The following TCF7L1 variants were observed in gnomAD, a reference collection of about 807,000 sequenced individuals.
TCF7L1 encodes the protein transcription factor 7-like 1.
Under a neutral mutation model 63.7 loss-of-function variants are expected in TCF7L1, and 18 were observed. That is an observed-to-expected ratio of 0.28 (90% confidence interval 0.20 to 0.42). The LOEUF is 0.42. TCF7L1 is among the 10% of genes least tolerant of loss of function. TCF7L1 has a pLI of 1.00. For missense variants in TCF7L1, 654 were observed against 779.3 expected (o/e 0.84, Z 1.91); for synonymous variants, 355 against 340.9 (o/e 1.04, Z -0.46).
At chr2:85,208,096 C>A (rs1247028074) in intron 3 of TCF7L1, among the ~76,000 whole-genome samples, 1 of 152,074 alleles carries the variant, frequency 6.6e-6, no homozygotes, top group Non-Finnish European at 1.5e-5. Context: ...TTAGTAGAGA[C>A]AGGGTTTCAC....
Position 85,306,433 on chromosome 2 carries a change from C to G in TCF7L1, c.1150-19C>G, listed in dbSNP as rs373079003. The G allele has an allele frequency of 9.2e-5, 149 of 1,613,984 alleles. 1 individual carries two copies. The Admixed American group carries it at 1.1e-3, about 12-fold the overall frequency. ...CTGCATTGATGGCTCCGTGTGGTCT[C>G]TGACCCTCTCTCCCCCAGTGGCACA... On this transcript the variant is annotated intron_variant, in intron 9 of 11. Transcript: ENST00000282111. The surrounding 1 kb of genome is among the most constrained non-coding windows in gnomAD (Gnocchi z 4.3).
At chr2:85,291,344 G>A (rs1025552412) in intron 4 of TCF7L1, among the ~76,000 whole-genome samples, 2 of 152,172 alleles carry the variant, frequency 1.3e-5, no homozygotes, top group Non-Finnish European at 2.9e-5. Context: ...GAAATAACTT[G>A]TGCTGAATAT....
chr2:85,210,059 C>G, intron 3 of TCF7L1, among the ~76,000 whole-genome samples: 1 of 152,236 alleles, frequency 6.6e-6, no homozygotes, highest in East Asian at 1.9e-4. Flanking sequence ...TAGGCTGTGC[C>G]CATGATGAAC....
chr2:85,309,091 G>A lies in TCF7L1; in HGVS notation c.1396G>A (p.Asp466Asn), dbSNP rs761477625. Residue 466 changes from aspartate (D) to asparagine (N), a missense_variant, in exon 12 of 12, where the codon GAC (aspartate) becomes AAC (asparagine). Asp to Asn is a conservative substitution (Grantham distance 23). This residue lies in a region of TCF7L1 where 184 missense variants were observed against 204.0 expected (regional missense o/e 0.90). Transcript: ENST00000282111. ...GTACCTGCCCCCCGAGAAGCCCTGTGACAGCCCTGCCTCCTCCCACGGGAG... is the reference window on the plus strand; with the variant it reads ...GTACCTGCCCCCCGAGAAGCCCTGTAACAGCCCTGCCTCCTCCCACGGGAG... ...VQYLPPEKPCDSPASSHGSML... is the reference protein window; with the variant it reads ...VQYLPPEKPCNSPASSHGSML... The A allele has an allele frequency of 1.9e-6, 3 of 1,613,140 alleles. No homozygotes were observed.
intron 3 of TCF7L1, among the ~76,000 whole-genome samples, chr2:85,159,689 C>A (rs1165987247): frequency 1.3e-5 from 2 of 152,228 alleles, no homozygotes; most frequent in Non-Finnish European, 2.9e-5. Flanking sequence ...CTTCCTTGAC[C>A]CAAGGCCTGT....
At chr2:85,170,618 C>T (rs967645997) in intron 3 of TCF7L1, among the ~76,000 whole-genome samples, 5 of 151,868 alleles carry the variant, frequency 3.3e-5, no homozygotes, top group African/African-American at 1.2e-4. Flanking sequence ...TCTTCTTCCT[C>T]TCTCTCTCTC....
At chr2:85,277,200 G>A (rs1474899795) in intron 3 of TCF7L1, among the ~76,000 whole-genome samples, 2 of 152,084 alleles carry the variant, frequency 1.3e-5, no homozygotes, top group African/African-American at 4.8e-5. Flanking sequence ...CTGGTGTTTA[G>A]AAGGCTGACT....
At chr2:85,205,892 T>C (rs986060214) in intron 3 of TCF7L1, among the ~76,000 whole-genome samples, 14 of 152,366 alleles carry the variant, frequency 9.2e-5, no homozygotes, top group South Asian at 4.1e-4. Context: ...GTGGACTTGA[T>C]GGAAAAATTG....
chr2:85,141,475 A>G (rs957404904), intron 3 of TCF7L1, among the ~76,000 whole-genome samples: 6 of 152,160 alleles, frequency 3.9e-5, no homozygotes, highest in Non-Finnish European at 8.8e-5. Flanking sequence ...CTGCAGTTTC[A>G]AGCAGCCTCC....
At chr2:85,297,279 C>G (rs765190284) in intron 4 of TCF7L1, among the ~76,000 whole-genome samples, 1 of 152,196 alleles carries the variant, frequency 6.6e-6, no homozygotes, top group African/African-American at 2.4e-5. Context: ...TTTTCTCTCT[C>G]CTATTGCCCT....
At chr2:85,289,136 C>T (rs1256396130) in intron 4 of TCF7L1, among the ~76,000 whole-genome samples, 1 of 152,014 alleles carries the variant, frequency 6.6e-6, no homozygotes, top group Admixed American at 6.6e-5. Context: ...CTGTGTAGAA[C>T]TCTTGGGAAA....
Position 85,213,904 on chromosome 2 carries a change from C to T in TCF7L1, c.442-69591C>T, listed in dbSNP as rs1309201482. On this transcript the variant is annotated intron_variant, in intron 3 of 11. Coordinates refer to ENST00000282111, the MANE Select transcript of TCF7L1 (RefSeq NM_031283.3). ...CCCATATCTTGCATAGCTTTCTGTC[C>T]AGATTTCTGAATTAAAGGCTGGATC... Among the ~76,000 whole-genome samples, 6 of 152,180 alleles carry T rather than the reference C, an allele frequency of 3.9e-5. No individual in the cohort carries two copies. The East Asian group carries it at 1.2e-3, about 29-fold the overall frequency.
chr2:85,229,207 G>A (rs779535486), intron 3 of TCF7L1, among the ~76,000 whole-genome samples: 3 of 151,676 alleles, frequency 2.0e-5, no homozygotes, highest in Non-Finnish European at 4.4e-5. Context: ...TTAGCTGGGC[G>A]TGTTGGCACA....
chr2:85,148,776 T>TTTC (rs1677937356), intron 3 of TCF7L1, among the ~76,000 whole-genome samples: 1 of 149,802 alleles, frequency 6.7e-6, no homozygotes, highest in South Asian at 2.1e-4. Context: ...ATTTAATTTT[T>TTTC]TTTTTTTTTT....
rs117159767 is a variant in TCF7L1 at position 85,278,138 on chromosome 2, C to T, written c.442-5357C>T. On this transcript the variant is annotated intron_variant, in intron 3 of 11. Coordinates refer to ENST00000282111, the MANE Select transcript of TCF7L1 (RefSeq NM_031283.3). ...CAAGGATTCTGTAGGATGGATTCTC[C>T]GCCTTCCTGCAGGAAAGGGGGCTCT... 1.6e-3 allele frequency among the ~76,000 whole-genome samples: 245 copies of T among 152,302 alleles called. 6 individuals are homozygous for T. The East Asian group carries it at 0.037, about 23-fold the overall frequency.
chr2:85,234,218 C>G (rs1217905875), intron 3 of TCF7L1, among the ~76,000 whole-genome samples: 1 of 148,348 alleles, frequency 6.7e-6, no homozygotes, highest in Non-Finnish European at 1.5e-5. Flanking sequence ...TCACTGCAAC[C>G]TCTGCCTCCC....
At chr2:85,137,283 G>T (rs1052743830) in intron 3 of TCF7L1, among the ~76,000 whole-genome samples, 6 of 152,168 alleles carry the variant, frequency 3.9e-5, no homozygotes, top group African/African-American at 1.2e-4. Context: ...ACCACTGGGG[G>T]CTGGCCCATC....
At chr2:85,287,758 TC>T (rs1200060964) in intron 4 of TCF7L1, among the ~76,000 whole-genome samples, 7 of 152,144 alleles carry the variant, frequency 4.6e-5, no homozygotes, top group Admixed American at 1.3e-4. Context: ...AGGCAGAGCA[TC>T]TCATTCCAAC....
chr2:85,134,226 G>C lies in TCF7L1; in HGVS notation c.314-97G>C. The C allele has an allele frequency of 6.8e-7, 1 of 1,473,310 alleles. No individual in the cohort carries two copies. Among genetic ancestry groups the C allele is most frequent in the Non-Finnish European group, 9.0e-7 (1 of 1,111,150 alleles). 91.3% of individuals were successfully genotyped at this position (1,473,310 alleles called of 1,614,324 possible). A position where few individuals can be genotyped will look rare whatever the true frequency, so the allele number is the denominator to read the frequency against. Reference sequence around the variant, plus strand: ...GGCAGCCCCCGTGGGGCGCGCGTGGGGGGCGCTGGGGTCCCCAGCTCCCGC... The same window carrying C: ...GGCAGCCCCCGTGGGGCGCGCGTGGCGGGCGCTGGGGTCCCCAGCTCCCGC... On this transcript the variant is annotated intron_variant, in intron 2 of 11. Coordinates refer to ENST00000282111, the MANE Select transcript of TCF7L1 (RefSeq NM_031283.3). This position sits in a 1 kb window ranked among gnomAD's most constrained non-coding sequence, Gnocchi z 5.0.
Sources: allele counts gnomAD v4.1 joint callset (sites outside exome capture counted in the v4.1 genomes callset), GRCh38; gene constraint gnomAD v4.1.1; regional missense constraint gnomAD v4.1.1; non-coding constraint Gnocchi (gnomAD v3.1); transcripts MANE v1.5; gene names NCBI Gene and HGNC (gene_info 2026-07-23, HGNC 2026-07-21).